Variants in DYNLT5 observed in about 807,000 individuals in gnomAD.
DYNLT5 encodes dynein light chain Tctex-type 5.
In DYNLT5, 25 loss-of-function variants were observed where a neutral mutation model predicts 19.3. The observed-to-expected ratio is 1.30, with a 90% CI of 0.95 to 1.81. The LOEUF (loss-of-function observed/expected upper bound fraction) is 1.81. Ranked by LOEUF, DYNLT5 falls within the 40% of genes most tolerant of loss-of-function variation. DYNLT5 has a pLI of 0.00. For synonymous variants in DYNLT5, 82 were observed against 68.9 expected (o/e 1.19, Z -0.94); for missense variants, 232 against 217.9 (o/e 1.06, Z -0.41).
Position 66,777,808 on chromosome 1 carries a change from C to T in DYNLT5, c.*354C>T, listed in dbSNP as rs1645245761. ...TTAATAAAAAGAAGCTTTAGAAAAACTATGGCTATATACCCTGACCAATAA... is the reference window on the plus strand; with the variant it reads ...TTAATAAAAAGAAGCTTTAGAAAAATTATGGCTATATACCCTGACCAATAA... On this transcript the variant is annotated 3_prime_UTR_variant, in exon 5 of 5. Coordinates refer to ENST00000282670, the MANE Select transcript of DYNLT5 (RefSeq NM_152665.3). 5.5e-6 allele frequency: 1 copy of T among 182,028 alleles called. No individual in the cohort carries two copies. The highest frequency in any genetic ancestry group is 1.2e-4 in the South Asian group (1 of 8,178). 11.3% of individuals were successfully genotyped at this position (182,028 alleles called of 1,614,324 possible). A position where few individuals can be genotyped will look rare whatever the true frequency, so the allele number is the denominator to read the frequency against.
intron 2 of DYNLT5, among the ~76,000 whole-genome samples, chr1:66,763,360 C>A (rs955541409): frequency 6.6e-6 from 1 of 152,158 alleles, no homozygotes; most frequent in African/African-American, 2.4e-5. Context: ...TGAGTATTGG[C>A]TTGAACTTAA....
chr1:66,757,273 A>G (rs140138293), intron 2 of DYNLT5, among the ~76,000 whole-genome samples: 93 of 152,314 alleles, frequency 6.1e-4, no homozygotes, highest in African/African-American at 2.1e-3. Flanking sequence ...AGTCTTCCAC[A>G]GTTGTAACTA....
chr1:66,761,162 T>C (rs2094645364), intron 2 of DYNLT5, among the ~76,000 whole-genome samples: 1 of 152,232 alleles, frequency 6.6e-6, no homozygotes, highest in Non-Finnish European at 1.5e-5. Context: ...ACTTTGGCAA[T>C]ATTGCAGGTT....
Position 66,754,826 on chromosome 1 carries a change from C to A in DYNLT5, c.119+49C>A, listed in dbSNP as rs146412854. 6.3e-5 allele frequency: 97 copies of A among 1,550,576 alleles called. 1 individual carries two copies. The African/African-American group carries it at 1.3e-3, about 20-fold the overall frequency. ...AATTCATTTATTGAATAAATAGGTT[C>A]GTAATGTTTATTAGGAGAAAAAAAC... On this transcript the variant is annotated intron_variant, in intron 2 of 4. Coordinates refer to ENST00000282670, the MANE Select transcript of DYNLT5 (RefSeq NM_152665.3).
At chr1:66,776,041 C>T in intron 3 of DYNLT5, 1 of 338,206 alleles carries the variant, frequency 3.0e-6, no homozygotes, top group East Asian at 5.8e-5. Context: ...CAAGGTCAAA[C>T]CCCAGCAGTA....
At chr1:66,752,678 C>T (rs2094627925) in intron 1 of DYNLT5, 94 bp downstream of exon 1, 2 of 775,036 alleles carry the variant, frequency 2.6e-6, no homozygotes, top group Non-Finnish European at 3.1e-6. Context: ...CCTACTTGGC[C>T]CCGATCTCTC....
rs71590352 is a variant in DYNLT5, at chr1:66,769,520, A to AACACACAC, written c.120-859_120-852dup. ...CCTGCTTAGAAAAGTGGTCACTCTG[A>AACACACAC]ACACACACACACACAAACACACACC... On this transcript the variant is annotated intron_variant, in intron 2 of 4. Coordinates refer to ENST00000282670, the MANE Select transcript of DYNLT5 (RefSeq NM_152665.3). 1.2e-3 allele frequency among the ~76,000 whole-genome samples: 188 copies of AACACACAC among 151,448 alleles called. 1 individual carries two copies. The highest frequency in any genetic ancestry group is 0.01 in the Middle Eastern group (3 of 290).
chr1:66,766,125 A>G (rs1053574627), intron 2 of DYNLT5, among the ~76,000 whole-genome samples: 1 of 152,200 alleles, frequency 6.6e-6, no homozygotes, highest in Non-Finnish European at 1.5e-5. Context: ...AAAACTTTAT[A>G]ACTCTCTGGG....
At chr1:66,764,982 A>G (rs1393484612) in intron 2 of DYNLT5, among the ~76,000 whole-genome samples, 2 of 152,204 alleles carry the variant, frequency 1.3e-5, no homozygotes, top group Admixed American at 1.3e-4. Context: ...GTTTCTATGC[A>G]TATTTAATCT....
intron 2 of DYNLT5, among the ~76,000 whole-genome samples, chr1:66,755,378 C>T (rs1481107774): frequency 6.6e-6 from 1 of 152,088 alleles, no homozygotes; most frequent in East Asian, 1.9e-4. Flanking sequence ...GTTCTTGCTA[C>T]ATGTTGCATC....
At position 66,756,305 on chromosome 1, in the gene DYNLT5, G is replaced by A. The variant is rs140668521; in HGVS notation, c.119+1528G>A. On this transcript the variant is annotated intron_variant, in intron 2 of 4. Transcript: ENST00000282670. ...ATCAGCTTCCAAGTCCCCTTGCAAT[G>A]CAGACTATTTAGGAGGCTCCCCCAC... Among the ~76,000 whole-genome samples the A allele has an allele frequency of 6.5e-4, 99 of 152,154 alleles. 1 individual carries two copies. Among genetic ancestry groups the A allele is most frequent in the Middle Eastern group, 3.4e-3 (1 of 294 alleles).
At chr1:66,765,028 T>C (rs1052484787) in intron 2 of DYNLT5, among the ~76,000 whole-genome samples, 7 of 152,154 alleles carry the variant, frequency 4.6e-5, no homozygotes, top group Non-Finnish European at 7.4e-5. Flanking sequence ...GAAGGGCTCT[T>C]ATTTTTATCT....
chr1:66,753,710 A>G (rs1399831008), intron 1 of DYNLT5, among the ~76,000 whole-genome samples: 1 of 152,132 alleles, frequency 6.6e-6, no homozygotes, highest in Non-Finnish European at 1.5e-5. Flanking sequence ...GCACTTTGGG[A>G]GGCCAAGGCA....
At chr1:66,761,318 T>G (rs1487094484) in intron 2 of DYNLT5, among the ~76,000 whole-genome samples, 6 of 152,180 alleles carry the variant, frequency 3.9e-5, no homozygotes, top group Admixed American at 2.6e-4. Context: ...AAAGAAAAAA[T>G]GTACATACCT....
chr1:66,773,183 G>T (rs762795353), intron 3 of DYNLT5, among the ~76,000 whole-genome samples: 1 of 152,046 alleles, frequency 6.6e-6, no homozygotes, highest in African/African-American at 2.4e-5. Flanking sequence ...GAGTATAGTG[G>T]CACCTGGTTG....
At chr1:66,765,167 T>G (rs2094652541) in intron 2 of DYNLT5, among the ~76,000 whole-genome samples, 1 of 152,202 alleles carries the variant, frequency 6.6e-6, no homozygotes, top group African/African-American at 2.4e-5. Context: ...CTCTGTGCAC[T>G]CTGAAATATC....
Position 66,757,418 on chromosome 1 carries a change from T to C in DYNLT5, c.119+2641T>C, listed in dbSNP as rs184943031. 2.6e-5 allele frequency among the ~76,000 whole-genome samples: 4 copies of C among 152,344 alleles called. No homozygotes were observed. In the East Asian group the frequency reaches 7.7e-4, roughly 29 times the overall value. The stretch of plus-strand genomic sequence containing the variant: ...GTCTGTTTTTAAGTTATCTTTTCAA[T>C]TTAATGTAATTTTTATGTTTTATTA... On this transcript the variant is annotated intron_variant, in intron 2 of 4. Transcript: ENST00000282670.
intron 3 of DYNLT5, among the ~76,000 whole-genome samples, chr1:66,773,102 C>T (rs886481883): frequency 6.6e-6 from 1 of 152,138 alleles, no homozygotes; most frequent in African/African-American, 2.4e-5. Context: ...AGAATAAAAG[C>T]CTTCCATGAT....
intron 3 of DYNLT5, among the ~76,000 whole-genome samples, chr1:66,772,895 T>A (rs1645211975): frequency 6.6e-6 from 1 of 152,240 alleles, no homozygotes; most frequent in African/African-American, 2.4e-5. Flanking sequence ...TGAATTTGAA[T>A]ACTAATTTTG....
Sources: allele counts gnomAD v4.1 joint callset (sites outside exome capture counted in the v4.1 genomes callset), GRCh38; gene constraint gnomAD v4.1.1; transcripts MANE v1.5; gene names NCBI Gene and HGNC (gene_info 2026-07-23, HGNC 2026-07-21).